The following LDLRAD2 variants were observed in gnomAD, a reference collection of about 807,000 sequenced individuals.
The protein encoded by LDLRAD2 is low density lipoprotein receptor class A domain containing 2, also known as low-density lipoprotein receptor class A domain-containing protein 2.
LDLRAD2 carries 25 observed loss-of-function variants against 24.9 expected under a neutral mutation model. The ratio of observed to expected loss-of-function variants is 1.00; its 90% CI spans 0.73 to 1.40. The LOEUF (loss-of-function observed/expected upper bound fraction) is 1.40. LDLRAD2 is among the 40% of genes most tolerant of loss of function. The pLI, the probability that LDLRAD2 is intolerant of heterozygous loss-of-function variation, is 0.00. For missense variants in LDLRAD2, 391 were observed against 366.2 expected (o/e 1.07, Z -0.55); for synonymous variants, 182 against 166.7 (o/e 1.09, Z -0.71).
At chr1:21,820,392 G>C (rs911877929) in intron 3 of LDLRAD2, among the ~76,000 whole-genome samples, 1 of 151,882 alleles carries the variant, frequency 6.6e-6, no homozygotes, top group African/African-American at 2.4e-5. Flanking sequence ...GCGCAGTGGC[G>C]GGCACCTGTA....
At chr1:21,821,654 C>T (rs746615013) in intron 4 of LDLRAD2, 43 bp downstream of exon 4, 8 of 1,606,094 alleles carry the variant, frequency 5.0e-6, no homozygotes, top group South Asian at 1.1e-5. Flanking sequence ...TCATACCTGT[C>T]CCTCTCTAGG....
At position 21,816,007 on chromosome 1, in the gene LDLRAD2, C is replaced by T. The variant is rs774690974; in HGVS notation, c.576C>T (p.Asp192=). The T allele has an allele frequency of 6.2e-7, 1 of 1,613,882 alleles. No homozygotes were observed. Among genetic ancestry groups the T allele is most frequent in the South Asian group, 1.1e-5 (1 of 91,086 alleles). ...GRCIPSSLVC[D]PWGMDNCGDG... ...GCATCCCCTCAAGCCTCGTGTGTGA[C>T]CCCTGGGGCATGGACAACTGTGGCG... Residue 192 remains aspartate, a synonymous_variant, in exon 3 of 5, where the codon GAC becomes GAT. Coordinates refer to ENST00000344642, the MANE Select transcript of LDLRAD2 (RefSeq NM_001013693.3).
At position 21,822,414 on chromosome 1, in the gene LDLRAD2, C is replaced by CCCT. The variant is rs1572118545; in HGVS notation, c.*204_*206dup. The stretch of plus-strand genomic sequence containing the variant: ...CAGATGGGGCAGGGTGGTCATATCC[C>CCCT]CCTCCTCTCTCTCTCAGTCGTGAGT... On this transcript the variant is annotated 3_prime_UTR_variant, in exon 5 of 5. Transcript: ENST00000344642. 23 of 607,380 alleles carry CCCT rather than the reference C, an allele frequency of 3.8e-5. No homozygotes were observed. In the East Asian group the frequency reaches 6.4e-4, roughly 17 times the overall value. The allele number at this position is 607,380 out of a possible 1,614,324, so 37.6% of individuals were successfully genotyped here.
At chr1:21,816,136 C>T (rs112727772) in intron 3 of LDLRAD2, 62 bp downstream of exon 3, 31 of 1,587,498 alleles carry the variant, frequency 2.0e-5, no homozygotes, top group African/African-American at 1.2e-4. Context: ...GCCCTAACTC[C>T]CCTTCCCTAG....
At position 21,823,166 on chromosome 1, in the gene LDLRAD2, T is replaced by C. The variant is rs1203356594; in HGVS notation, c.*951T>C. The C allele has an allele frequency of 1.2e-5, 9 of 753,770 alleles. No individual in the cohort carries two copies. The highest frequency in any genetic ancestry group is 1.8e-5 in the Non-Finnish European group (9 of 505,516). The allele number at this position is 753,770 out of a possible 1,614,324, so 46.7% of individuals were successfully genotyped here. A position where few individuals can be genotyped will look rare whatever the true frequency, so the allele number is the denominator to read the frequency against. On this transcript the variant is annotated 3_prime_UTR_variant, in exon 5 of 5. Transcript: ENST00000344642. ...CCCAGCTGTGTGTGTGAGGGTGGCA[T>C]GCCCACCTCCAGTCCAGCCCAGGGC...
At position 21,823,856 on chromosome 1, in the gene LDLRAD2, C is replaced by A. The variant is rs759348933; in HGVS notation, c.*1641C>A. On this transcript the variant is annotated 3_prime_UTR_variant, in exon 5 of 5. Transcript: ENST00000344642. ...TGTTTCCCAAGCTCTTTCTTTCCCC[C>A]GCTGAACGAGAGATCGGGCCCCACA... The A allele has an allele frequency of 6.3e-6, 5 of 788,510 alleles. No individual in the cohort carries two copies. The highest frequency in any genetic ancestry group is 2.0e-5 in the Admixed American group (1 of 49,264). The allele number at this position is 788,510 out of a possible 1,614,324, so 48.8% of individuals were successfully genotyped here. A position where few individuals can be genotyped will look rare whatever the true frequency, so the allele number is the denominator to read the frequency against.
At position 21,823,271 on chromosome 1, in the gene LDLRAD2, C is replaced by T. The variant is rs541474662; in HGVS notation, c.*1056C>T. On this transcript the variant is annotated 3_prime_UTR_variant, in exon 5 of 5. Coordinates refer to ENST00000344642, the MANE Select transcript of LDLRAD2 (RefSeq NM_001013693.3). Reference sequence around the variant, plus strand: ...TTAATAATAATATACTCGACATTGTCGGGCTGGGGCGTGGCCCGGGAGTCC... The same window carrying T: ...TTAATAATAATATACTCGACATTGTTGGGCTGGGGCGTGGCCCGGGAGTCC... 115 of 1,433,610 alleles carry T rather than the reference C, an allele frequency of 8.0e-5. No individual in the cohort carries two copies. The highest frequency in any genetic ancestry group is 7.5e-4 in the East Asian group (30 of 39,960). The allele number at this position is 1,433,610 out of a possible 1,614,324, so 88.8% of individuals were successfully genotyped here.
At chr1:21,819,745 G>A (rs2097948278) in intron 3 of LDLRAD2, among the ~76,000 whole-genome samples, 1 of 152,166 alleles carries the variant, frequency 6.6e-6, no homozygotes, top group Admixed American at 6.6e-5. Context: ...TGCACAATGT[G>A]AGTGCGTATT....
Position 21,812,488 on chromosome 1 carries a change from T to C in LDLRAD2, c.37T>C (p.Leu13=). 1.2e-6 allele frequency: 2 copies of C among 1,614,146 alleles called. No homozygotes were observed. The highest frequency in any genetic ancestry group is 1.7e-6 in the Non-Finnish European group (2 of 1,180,020). ...TTGTCTTCTGCAGTTGCCCCAAAGGTTGCTCTTGCTGGGGGCAGCCGCCCT... is the reference window on the plus strand; with the variant it reads ...TTGTCTTCTGCAGTTGCCCCAAAGGCTGCTCTTGCTGGGGGCAGCCGCCCT... ...ACCLLQLPQR[L]LLLGAAALTA... is the part of the protein sequence containing the mutation. The change falls in exon 1 of 5, where the codon TTG becomes CTG. Residue 13 remains leucine (L), a synonymous_variant. Coordinates refer to ENST00000344642, the MANE Select transcript of LDLRAD2 (RefSeq NM_001013693.3).
intron 3 of LDLRAD2, among the ~76,000 whole-genome samples, chr1:21,820,497 T>C (rs1482905291): frequency 1.7e-5 from 2 of 119,944 alleles, no homozygotes; most frequent in African/African-American, 3.4e-5. Context: ...CACTCCAGCC[T>C]GGGCGACAGA....
rs1433903709 is a variant in LDLRAD2, at chr1:21,814,759, C to T, written c.447C>T (p.Arg149=). ...CCTCCGGACCCTTTCTAGGCCTGCGCCTGGTCACGAGAGGCCGCCAGCCCC... is the reference window on the plus strand; with the variant it reads ...CCTCCGGACCCTTTCTAGGCCTGCGTCTGGTCACGAGAGGCCGCCAGCCCC... ...VASSGPFLGL[R]LVTRGRQPRV... The change falls in exon 2 of 5, where the codon CGC becomes CGT. Residue 149 remains arginine, a synonymous_variant. Transcript: ENST00000344642. The T allele has an allele frequency of 6.6e-7, 1 of 1,509,286 alleles. No homozygotes were observed. The highest frequency in any genetic ancestry group is 8.8e-7 in the Non-Finnish European group (1 of 1,133,394). 93.5% of individuals were successfully genotyped at this position (1,509,286 alleles called of 1,614,324 possible).
Position 21,814,663 on chromosome 1 carries a change from G to A in LDLRAD2, c.351G>A (p.Glu117=), listed in dbSNP as rs757505628. The A allele has an allele frequency of 1.2e-5, 19 of 1,588,786 alleles. No homozygotes were observed. The highest frequency in any genetic ancestry group is 1.6e-5 in the Non-Finnish European group (19 of 1,168,750). The change falls in exon 2 of 5, where the codon GAG becomes GAA. Residue 117 remains glutamate (E), a synonymous_variant. Transcript: ENST00000344642. ...CAPGSYLQFY[E]GPPGAPRPLG... Reference sequence around the variant, plus strand: ...CCGGCTCCTACCTGCAGTTCTACGAGGGCCCGCCGGGGGCGCCCCGGCCCC... The same window carrying A: ...CCGGCTCCTACCTGCAGTTCTACGAAGGCCCGCCGGGGGCGCCCCGGCCCC...
chr1:21,824,439 G>A lies in LDLRAD2; in HGVS notation c.*2224G>A, dbSNP rs905327824. The A allele has an allele frequency of 4.4e-6, 7 of 1,600,146 alleles. No individual in the cohort carries two copies. The highest frequency in any genetic ancestry group is 3.5e-4 in the Middle Eastern group (2 of 5,782). Reference sequence around the variant, plus strand: ...TGGAGAGCAGAGGCTGCCGAGGCCAGGGGGCTCTGCTTTCCCCTCCCCCCA... The same window carrying A: ...TGGAGAGCAGAGGCTGCCGAGGCCAAGGGGCTCTGCTTTCCCCTCCCCCCA... On this transcript the variant is annotated 3_prime_UTR_variant, in exon 5 of 5. Coordinates refer to ENST00000344642, the MANE Select transcript of LDLRAD2 (RefSeq NM_001013693.3). This position sits in a 1 kb window ranked among gnomAD's most constrained non-coding sequence, Gnocchi z 5.9.
Position 21,823,398 on chromosome 1 carries a change from C to T in LDLRAD2, c.*1183C>T, listed in dbSNP as rs373773624. On this transcript the variant is annotated 3_prime_UTR_variant, in exon 5 of 5. Transcript: ENST00000344642. ...GGGCTGTGGGGGCGGGGCGCCGGGT[C>T]GGGCCGAGTGCAGCACCAGGTTCTT... The T allele has an allele frequency of 2.0e-5, 31 of 1,565,548 alleles. No homozygotes were observed. The highest frequency in any genetic ancestry group is 4.0e-5 in the African/African-American group (3 of 74,092).
chr1:21,822,010 C>T, intron 4 of LDLRAD2, 192 bp from the exon 5 acceptor site: 2 of 1,432,294 alleles, frequency 1.4e-6, no homozygotes, highest in Non-Finnish European at 1.8e-6. Flanking sequence ...TGGGGTCAGA[C>T]TCTTTGGGTT....
In LDLRAD2 at chr1:21,824,514, C is replaced by T. The variant is rs1263415721; in HGVS notation, c.*2299C>T. ...CTTCCTGCCCCAGGAGCCCCAAGAGCCCAGCCGGATACCCACACTCACCAC... is the reference window on the plus strand; with the variant it reads ...CTTCCTGCCCCAGGAGCCCCAAGAGTCCAGCCGGATACCCACACTCACCAC... On this transcript the variant is annotated 3_prime_UTR_variant, in exon 5 of 5. Transcript: ENST00000344642. The surrounding 1 kb of genome is among the most constrained non-coding windows in gnomAD (Gnocchi z 5.9). The T allele has an allele frequency of 6.2e-7, 1 of 1,612,110 alleles. No homozygotes were observed. Among genetic ancestry groups the T allele is most frequent in the Non-Finnish European group, 8.5e-7 (1 of 1,179,690 alleles).
Position 21,821,969 on chromosome 1 carries a change from G to A in LDLRAD2, c.806-233G>A, listed in dbSNP as rs945304751. The A allele has an allele frequency of 5.6e-6, 8 of 1,425,000 alleles. No homozygotes were observed. In the African/African-American group the frequency reaches 1.2e-4, roughly 20 times the overall value. 88.3% of individuals were successfully genotyped at this position (1,425,000 alleles called of 1,614,324 possible). A position where few individuals can be genotyped will look rare whatever the true frequency, so the allele number is the denominator to read the frequency against. On this transcript the variant is annotated intron_variant, in intron 4 of 4. Coordinates refer to ENST00000344642, the MANE Select transcript of LDLRAD2 (RefSeq NM_001013693.3). Reference sequence around the variant, plus strand: ...GATCAGGGAGGCCATCCCTAGAGGGGCTTCGGGCACATGGGAATGATACTA... The same window carrying A: ...GATCAGGGAGGCCATCCCTAGAGGGACTTCGGGCACATGGGAATGATACTA...
chr1:21,814,381 CG>C lies in LDLRAD2; in HGVS notation c.86-16del. 1 of 1,569,354 alleles carries C rather than the reference CG, an allele frequency of 6.4e-7. No homozygotes were observed. The highest frequency in any genetic ancestry group is 1.2e-5 in the South Asian group (1 of 84,784). ...GGTCGCGCCGCGCGGCTCCAGTTTC[CG>C]TGCCTTCCGCTGCAGCCGACCTGGC... On this transcript the variant is annotated splice_polypyrimidine_tract_variant and intron_variant, in intron 1 of 4. Coordinates refer to ENST00000344642, the MANE Select transcript of LDLRAD2 (RefSeq NM_001013693.3).
At chr1:21,817,852 T>C (rs1399631592) in intron 3 of LDLRAD2, among the ~76,000 whole-genome samples, 3 of 152,120 alleles carry the variant, frequency 2.0e-5, no homozygotes, top group African/African-American at 7.2e-5. Flanking sequence ...CAGCATCTCA[T>C]GTTACATTTA....
Sources: gnomAD v4.1 joint callset for allele counts (sites outside exome capture counted in the v4.1 genomes callset) on GRCh38, gnomAD v4.1.1 for gene constraint, Gnocchi (gnomAD v3.1) non-coding constraint, MANE v1.5 for transcripts, NCBI Gene and HGNC (gene_info 2026-07-23, HGNC 2026-07-21) for gene names.